CCL28: variants seen among roughly 807,000 people sequenced by gnomAD.
CCL28 encodes C-C motif chemokine ligand 28.
CCL28 carries 4 observed loss-of-function variants against 7.1 expected under a neutral mutation model. That is an observed-to-expected ratio of 0.56 (90% CI 0.28 to 1.29). The LOEUF (loss-of-function observed/expected upper bound fraction) is 1.29. CCL28 is among the 50% of genes most tolerant of loss of function. The pLI is 0.11. For synonymous variants in CCL28, 55 were observed against 57.8 expected, an observed-to-expected ratio of 0.95 and a Z score of 0.22; for missense variants, 151 against 163.4, an observed-to-expected ratio of 0.92 and a Z score of 0.41.
chr5:43,393,981 G>A (rs759533699), intron 1 of CCL28, among the ~76,000 whole-genome samples: 13 of 152,090 alleles, frequency 8.5e-5, no homozygotes, highest in Admixed American at 6.6e-5. Flanking sequence ...TTGTGCTGCC[G>A]TACATGCTTG....
At position 43,388,397 on chromosome 5, in the gene CCL28, C is replaced by T. The variant is rs548680827; in HGVS notation, c.144G>A (p.Met48Ile). Residue 48 changes from methionine (M) to isoleucine (I), a missense_variant, in exon 2 of 3, where the codon ATG becomes ATA. By Grantham distance (10) the Met-to-Ile change is conservative. Coordinates refer to ENST00000361115, the MANE Select transcript of CCL28 (RefSeq NM_148672.3). ...ISRRLLERVN[M>I]CRIQRADGDC... ...CCCCATCAGCTCTCTGGATGCGACA[C>T]ATATTCACTCTTTCCAGGAGCCTTC... is the stretch of plus-strand genomic sequence containing the variant. 6.2e-7 allele frequency: 1 copy of T among 1,614,140 alleles called. No individual in the cohort carries two copies. Among genetic ancestry groups the T allele is most frequent in the South Asian group, 1.1e-5 (1 of 91,070 alleles).
At chr5:43,363,091 G>T in the CCL28 span, among the ~76,000 whole-genome samples, 152 of 152,194 alleles carry the variant, frequency 1.0e-3, 1 homozygote, top group African/African-American at 3.6e-3. Context: ...TCCTTTTCAA[G>T]GTCTCTTTAT....
intron 1 of CCL28, among the ~76,000 whole-genome samples, chr5:43,411,468 C>T (rs1223145380): frequency 6.6e-6 from 1 of 152,084 alleles, no homozygotes; most frequent in African/African-American, 2.4e-5. Flanking sequence ...GTTCAATCTC[C>T]CTCATCCTGC....
chr5:43,391,865 C>T (rs905688444), intron 1 of CCL28, among the ~76,000 whole-genome samples: 2 of 152,104 alleles, frequency 1.3e-5, no homozygotes, highest in African/African-American at 4.8e-5. Flanking sequence ...ATAACTTCCC[C>T]GAGATCAAAG....
chr5:43,393,918 A>G (rs1740691458), intron 1 of CCL28, among the ~76,000 whole-genome samples: 1 of 152,160 alleles, frequency 6.6e-6, no homozygotes, highest in Non-Finnish European at 1.5e-5. Context: ...GTGAGAAGTT[A>G]TTCTTTCTTC....
the CCL28 span, among the ~76,000 whole-genome samples, chr5:43,360,086 T>C: frequency 0.015 from 2,354 of 152,224 alleles, 63 homozygotes; most frequent in African/African-American, 0.052. Flanking sequence ...TTTACTGCAA[T>C]AATGCTGTCT....
chr5:43,373,531 C>A (rs549596812), downstream of CCL28, among the ~76,000 whole-genome samples: 23 of 152,126 alleles, frequency 1.5e-4, no homozygotes, highest in Non-Finnish European at 3.1e-4. Flanking sequence ...AACTCCCAAC[C>A]TCAGATGATC....
chr5:43,400,681 G>A (rs1740991918), intron 1 of CCL28, among the ~76,000 whole-genome samples: 1 of 152,134 alleles, frequency 6.6e-6, no homozygotes, highest in African/African-American at 2.4e-5. Context: ...AATAGAAACA[G>A]AGTAAAGAAA....
intron 2 of CCL28, 170 bp downstream of exon 2, chr5:43,388,180 A>G (rs1042063226): frequency 1.2e-5 from 9 of 723,270 alleles, no homozygotes; most frequent in Non-Finnish European, 2.0e-5. Flanking sequence ...GAGACTATGA[A>G]TTTACTCCAG....
At chr5:43,370,744 CTTT>C in the CCL28 span, among the ~76,000 whole-genome samples, 1 of 45,862 alleles carries the variant, frequency 2.2e-5, no homozygotes, top group Non-Finnish European at 6.3e-5. Context: ...CTTTCTCTCT[CTTT>C]TTTTTTTTTT....
At chr5:43,363,564 C>T in the CCL28 span, among the ~76,000 whole-genome samples, 1 of 152,174 alleles carries the variant, frequency 6.6e-6, no homozygotes, top group Non-Finnish European at 1.5e-5. Flanking sequence ...AAAGAATCCA[C>T]CTCCTTGCCC....
rs1469142485 is a variant in CCL28 at position 43,380,047 on chromosome 5, G to T, written c.*1813C>A. ...GAGGCAAGAGAATCACTTGAACGCG[G>T]GAGGCGGAGGTTGCAATGAGCCGAG... On this transcript the variant is annotated 3_prime_UTR_variant, in exon 3 of 3. Coordinates refer to ENST00000361115, the MANE Select transcript of CCL28 (RefSeq NM_148672.3). The T allele has an allele frequency of 6.6e-6, 1 of 152,122 alleles. No homozygotes were observed. The highest frequency in any genetic ancestry group is 1.5e-5 in the Non-Finnish European group (1 of 68,074). The allele number at this position is 152,122 out of a possible 1,614,324, so 9.4% of individuals were successfully genotyped here. A position where few individuals can be genotyped will look rare whatever the true frequency, so the allele number is the denominator to read the frequency against.
intron 1 of CCL28, among the ~76,000 whole-genome samples, chr5:43,409,359 G>A (rs1468514970): frequency 6.6e-6 from 1 of 152,130 alleles, no homozygotes; most frequent in Non-Finnish European, 1.5e-5. Flanking sequence ...CCAGGAGGCG[G>A]AGGTTGCAGT....
chr5:43,359,260 A>G, the CCL28 span, among the ~76,000 whole-genome samples: 1 of 152,252 alleles, frequency 6.6e-6, no homozygotes, highest in South Asian at 2.1e-4. Context: ...AGAACCCTGA[A>G]CAGAGATTTA....
intron 1 of CCL28, among the ~76,000 whole-genome samples, chr5:43,401,386 G>A (rs1252604486): frequency 6.6e-6 from 1 of 152,202 alleles, no homozygotes; most frequent in Non-Finnish European, 1.5e-5. Flanking sequence ...CACTAGAGTG[G>A]TCAGGGGATA....
chr5:43,363,991 G>A, the CCL28 span, among the ~76,000 whole-genome samples: 23 of 152,174 alleles, frequency 1.5e-4, no homozygotes, highest in African/African-American at 5.5e-4. Context: ...AAAAGAAAAA[G>A]TGGCTAAGAT....
the CCL28 span, among the ~76,000 whole-genome samples, chr5:43,366,707 G>A: frequency 6.6e-6 from 1 of 152,238 alleles, no homozygotes; most frequent in Non-Finnish European, 1.5e-5. Flanking sequence ...TTCAAAGCCA[G>A]CAGGCTGGAA....
chr5:43,394,099 T>C (rs1740700423), intron 1 of CCL28, among the ~76,000 whole-genome samples: 1 of 152,220 alleles, frequency 6.6e-6, no homozygotes, highest in African/African-American at 2.4e-5. Flanking sequence ...CCACCCCATC[T>C]CACTGATATG....
In CCL28 at chr5:43,379,950, T is replaced by A. The variant is rs1368360346; in HGVS notation, c.*1910A>T. 2 of 152,022 alleles carry A rather than the reference T, an allele frequency of 1.3e-5. No individual in the cohort carries two copies. Among genetic ancestry groups the A allele is most frequent in the Non-Finnish European group, 2.9e-5 (2 of 68,014 alleles). 9.4% of individuals were successfully genotyped at this position (152,022 alleles called of 1,614,324 possible). A position where few individuals can be genotyped will look rare whatever the true frequency, so the allele number is the denominator to read the frequency against. On this transcript the variant is annotated 3_prime_UTR_variant, in exon 3 of 3. Coordinates refer to ENST00000361115, the MANE Select transcript of CCL28 (RefSeq NM_148672.3). ...GCCCGGCCAACGTGGGAAAACCCCG[T>A]CTCTACTAAAAATACAAAAATCAGC...
Sources: allele counts gnomAD v4.1 joint callset (sites outside exome capture counted in the v4.1 genomes callset), GRCh38; gene constraint gnomAD v4.1.1; transcripts MANE v1.5; gene names NCBI Gene and HGNC (gene_info 2026-07-23, HGNC 2026-07-21).